Variants in CCNY observed in about 807,000 individuals in gnomAD.
CCNY encodes cyclin-Y.
A neutral mutation model predicts 42.8 loss-of-function variants in CCNY; 19 were observed. The ratio of observed to expected loss-of-function variants is 0.44; its 90% CI spans 0.31 to 0.65. The LOEUF (loss-of-function observed/expected upper bound fraction) is 0.65, where lower values mean the gene tolerates loss of function less well. Ranked by LOEUF, CCNY falls within the 30% of genes least tolerant of loss-of-function variation. CCNY has a pLI of 0.07. For synonymous variants in CCNY, 165 were observed against 162.7 expected (o/e 1.01, Z -0.11); for missense variants, 370 against 437.3 (o/e 0.85, Z 1.37).
intron 1 of CCNY, among the ~76,000 whole-genome samples, chr10:35,386,405 G>T (rs1408093456): frequency 1.3e-5 from 2 of 152,184 alleles, no homozygotes; most frequent in Non-Finnish European, 2.9e-5. Context: ...AGGTGAGGAA[G>T]GGGCCTCTGA....
chr10:35,291,584 T>C (rs1260825671), intron 3 of CCNY, among the ~76,000 whole-genome samples: 1 of 143,974 alleles, frequency 6.9e-6, no homozygotes, highest in Non-Finnish European at 1.5e-5. Flanking sequence ...CAGGCTGGAG[T>C]GCAGTGGCAC....
At chr10:35,304,938 G>C (rs190375422) in intron 3 of CCNY, among the ~76,000 whole-genome samples, 2 of 152,188 alleles carry the variant, frequency 1.3e-5, no homozygotes, top group Non-Finnish European at 2.9e-5. Context: ...ATTCAAGTGT[G>C]GTCTAAGAGT....
chr10:35,421,967 G>A (rs192393912), intron 1 of CCNY, among the ~76,000 whole-genome samples: 86 of 152,290 alleles, frequency 5.6e-4, no homozygotes, highest in African/African-American at 2.0e-3. Flanking sequence ...GGAAACTGAA[G>A]CACAGAGAAA....
At chr10:35,291,082 T>G (rs1221801768) in intron 3 of CCNY, among the ~76,000 whole-genome samples, 2 of 152,050 alleles carry the variant, frequency 1.3e-5, no homozygotes, top group African/African-American at 4.8e-5. Flanking sequence ...CTCGGCTCAC[T>G]GCAACCTCTG....
intron 1 of CCNY, among the ~76,000 whole-genome samples, chr10:35,396,027 C>T (rs1837517458): frequency 6.6e-6 from 1 of 151,974 alleles, no homozygotes; most frequent in East Asian, 1.9e-4. Context: ...GTGGTGGCTC[C>T]CTCTTTTTGC....
chr10:35,542,143 G>A (rs920267737), intron 7 of CCNY, among the ~76,000 whole-genome samples: 1 of 144,128 alleles, frequency 6.9e-6, no homozygotes, highest in African/African-American at 2.6e-5. Context: ...TGTCTCCCTA[G>A]TCTCCTCTTG....
intron 3 of CCNY, chr10:35,315,542 T>G (rs1835749908): frequency 6.6e-6 from 1 of 152,278 alleles, no homozygotes. Flanking sequence ...ATTCCATGTC[T>G]TTGTTATTAT....
intron 1 of CCNY, among the ~76,000 whole-genome samples, chr10:35,468,405 G>C (rs532469304): frequency 6.6e-6 from 1 of 152,250 alleles, no homozygotes; most frequent in African/African-American, 2.4e-5. Flanking sequence ...ATGTATAGAC[G>C]TGTGTGTATA....
At chr10:35,544,371 A>G (rs1278285194) in intron 7 of CCNY, among the ~76,000 whole-genome samples, 1 of 152,228 alleles carries the variant, frequency 6.6e-6, no homozygotes, top group Non-Finnish European at 1.5e-5. Flanking sequence ...AGTTACCAAC[A>G]ATATTCAGTA....
intron 1 of CCNY, among the ~76,000 whole-genome samples, chr10:35,379,647 G>A (rs1419012411): frequency 1.3e-5 from 2 of 152,224 alleles, no homozygotes; most frequent in Admixed American, 6.5e-5. Context: ...ATGTGTTTCA[G>A]CTGATTTAGA....
intron 1 of CCNY, among the ~76,000 whole-genome samples, chr10:35,356,464 C>T (rs777691480): frequency 5.3e-5 from 8 of 152,208 alleles, no homozygotes; most frequent in Admixed American, 2.6e-4. Flanking sequence ...CATGACTCCG[C>T]GTGGGGGTAG....
At position 35,572,298 on chromosome 10, in the gene CCNY, T is replaced by A. The variant is rs1841702379; in HGVS notation, c.*3128T>A. ...GATTTGAATTTTTTTTTTTCTTTTT[T>A]TGAGATGGAGTCTCGCTCTTGTCAC... On this transcript the variant is annotated 3_prime_UTR_variant, in exon 10 of 10. Coordinates refer to ENST00000374704, the MANE Select transcript of CCNY (RefSeq NM_145012.6). 1 of 152,272 alleles carries A rather than the reference T, an allele frequency of 6.6e-6. No homozygotes were observed. The highest frequency in any genetic ancestry group is 2.4e-5 in the African/African-American group (1 of 41,434). The allele number at this position is 152,272 out of a possible 1,614,324, so 9.4% of individuals were successfully genotyped here. A position where few individuals can be genotyped will look rare whatever the true frequency, so the allele number is the denominator to read the frequency against.
At chr10:35,478,519 A>G (rs1839575897) in intron 1 of CCNY, among the ~76,000 whole-genome samples, 2 of 152,198 alleles carry the variant, frequency 1.3e-5, no homozygotes, top group South Asian at 2.1e-4. Flanking sequence ...GACAAACCTG[A>G]GAAAAACCAG....
intron 3 of CCNY, among the ~76,000 whole-genome samples, chr10:35,284,423 T>A (rs1386615687): frequency 6.6e-6 from 1 of 152,208 alleles, no homozygotes; most frequent in African/African-American, 2.4e-5. Context: ...ATATAGTTGT[T>A]CATAGTATTT....
At chr10:35,556,358 G>C (rs772302159) in intron 8 of CCNY, among the ~76,000 whole-genome samples, 9 of 152,202 alleles carry the variant, frequency 5.9e-5, no homozygotes, top group Admixed American at 2.0e-4. Flanking sequence ...TCCTTGCAGA[G>C]CTCTGAGGAC....
At chr10:35,419,091 G>A (rs1838096454) in intron 1 of CCNY, among the ~76,000 whole-genome samples, 1 of 152,108 alleles carries the variant, frequency 6.6e-6, no homozygotes, top group Non-Finnish European at 1.5e-5. Context: ...GAGATTATAG[G>A]CATGAGCCAC....
intron 3 of CCNY, among the ~76,000 whole-genome samples, chr10:35,259,547 G>A (rs1372600085): frequency 8.1e-6 from 1 of 123,182 alleles, no homozygotes; most frequent in African/African-American, 3.2e-5. Context: ...CTGTCACCCA[G>A]GCTGGAGTGC....
intron 1 of CCNY, among the ~76,000 whole-genome samples, chr10:35,368,179 A>T (rs1374627611): frequency 6.6e-6 from 1 of 152,220 alleles, no homozygotes; most frequent in Non-Finnish European, 1.5e-5. Flanking sequence ...CTGCCCAGAA[A>T]TCTGGAGACC....
intron 1 of CCNY, among the ~76,000 whole-genome samples, chr10:35,451,436 G>T (rs761696227): frequency 1.8e-4 from 27 of 152,174 alleles, no homozygotes; most frequent in Admixed American, 6.5e-5. Flanking sequence ...TTTCCATGTC[G>T]TCTTAAAATG....
Sources: gnomAD v4.1 joint callset for allele counts (sites outside exome capture counted in the v4.1 genomes callset) on GRCh38, gnomAD v4.1.1 for gene constraint, MANE v1.5 for transcripts, NCBI Gene and HGNC (gene_info 2026-07-23, HGNC 2026-07-21) for gene names.